DEUP1: variants seen among roughly 807,000 people sequenced by gnomAD.
DEUP1 encodes deuterosome assembly protein 1.
DEUP1 carries 82 observed loss-of-function variants against 87.4 expected under a neutral mutation model. The observed-to-expected ratio is 0.94, with a 90% CI of 0.78 to 1.13. DEUP1 has a LOEUF of 1.13. Among genes scored for constraint, DEUP1 ranks in the 50% most tolerant of loss-of-function variants. The probability of loss-of-function intolerance (pLI) is 0.00; values close to 1 mark genes in which losing one functional copy is unlikely to be tolerated. For missense variants in DEUP1, 663 were observed against 681.5 expected, an observed-to-expected ratio of 0.97 and a Z score of 0.30; for synonymous variants, 214 against 222.7, an observed-to-expected ratio of 0.96 and a Z score of 0.35.
At chr11:93,366,366 T>C (rs1334263808) in intron 5 of DEUP1, among the ~76,000 whole-genome samples, 1 of 152,192 alleles carries the variant, frequency 6.6e-6, no homozygotes, top group Non-Finnish European at 1.5e-5. Flanking sequence ...GAGGGCTTTT[T>C]AAAACATCTA....
intron 13 of DEUP1, among the ~76,000 whole-genome samples, chr11:93,417,144 A>G (rs1185305690): frequency 1.4e-5 from 2 of 141,642 alleles, no homozygotes; most frequent in South Asian, 2.5e-4. Flanking sequence ...CTCTCTCACC[A>G]CTCCTATTCA....
At chr11:93,343,716 C>T (rs1394026538) in intron 2 of DEUP1, among the ~76,000 whole-genome samples, 3 of 152,130 alleles carry the variant, frequency 2.0e-5, no homozygotes, top group South Asian at 2.1e-4. Context: ...TTGTATGAGC[C>T]TATAATTCTG....
At position 93,386,211 on chromosome 11, in the gene DEUP1, C is replaced by G. The variant is rs552768794; in HGVS notation, c.935+668C>G. Among the ~76,000 whole-genome samples the G allele has an allele frequency of 1.1e-3, 163 of 152,158 alleles. 1 individual carries two copies. Among genetic ancestry groups the G allele is most frequent in the African/African-American group, 3.7e-3 (153 of 41,538 alleles). On this transcript the variant is annotated intron_variant, in intron 8 of 13. Coordinates refer to ENST00000298050, the MANE Select transcript of DEUP1 (RefSeq NM_181645.4). Reference sequence around the variant, plus strand: ...TACATATTGTATTTATTTTGGCCACCAAACTCGCCATCTTGTCTGTTCCAT... The same window carrying G: ...TACATATTGTATTTATTTTGGCCACGAAACTCGCCATCTTGTCTGTTCCAT...
At position 93,386,193 on chromosome 11, in the gene DEUP1, T is replaced by G. The variant is rs1456159996; in HGVS notation, c.935+650T>G. 3.3e-5 allele frequency among the ~76,000 whole-genome samples: 5 copies of G among 152,360 alleles called. No homozygotes were observed. In the East Asian group the frequency reaches 9.6e-4, roughly 29 times the overall value. ...TGTCAACATTTTCACTTGTACATAT[T>G]GTATTTATTTTGGCCACCAAACTCG... On this transcript the variant is annotated intron_variant, in intron 8 of 13. Coordinates refer to ENST00000298050, the MANE Select transcript of DEUP1 (RefSeq NM_181645.4).
At chr11:93,370,016 C>A in intron 5 of DEUP1, 57 bp from the exon 6 acceptor site, 1 of 813,168 alleles carries the variant, frequency 1.2e-6, no homozygotes, top group Non-Finnish European at 2.0e-6. Flanking sequence ...GCCTTATTTG[C>A]TGTACTTTAA....
At chr11:93,332,336 C>CA in intron 2 of DEUP1, 48 bp downstream of exon 2, 1 of 1,481,054 alleles carries the variant, frequency 6.8e-7, no homozygotes, top group Non-Finnish European at 9.3e-7. Flanking sequence ...TTAACTGTGC[C>CA]AAAAACTTCC....
intron 12 of DEUP1, among the ~76,000 whole-genome samples, chr11:93,413,998 C>G (rs1040735280): frequency 2.0e-5 from 3 of 152,114 alleles, no homozygotes; most frequent in African/African-American, 4.8e-5. Flanking sequence ...CTAATCTTTA[C>G]TAAACATTTA....
intron 11 of DEUP1, 107 bp from the exon 12 acceptor site, chr11:93,408,124 T>G: frequency 1.3e-6 from 1 of 760,056 alleles, no homozygotes; most frequent in Non-Finnish European, 2.0e-6. Context: ...GCCACATCAC[T>G]TGGCTCAAAT....
chr11:93,372,546 A>G (rs1945793158), intron 7 of DEUP1, among the ~76,000 whole-genome samples: 1 of 152,152 alleles, frequency 6.6e-6, no homozygotes, highest in South Asian at 2.1e-4. Flanking sequence ...GGGATTATAT[A>G]GGGAGTTAGT....
rs547992320 is a variant in DEUP1, at chr11:93,387,758, T to C, written c.936-1262T>C. Among the ~76,000 whole-genome samples the C allele has an allele frequency of 3.9e-5, 6 of 152,158 alleles. No individual in the cohort carries two copies. The South Asian group carries it at 1.2e-3, about 32-fold the overall frequency. ...TTCACTCATTTCAAATTATAGGAAA[T>C]AATGAAAACTTAAGACTGATCCTGA... On this transcript the variant is annotated intron_variant, in intron 8 of 13. Transcript: ENST00000298050.
At chr11:93,403,811 T>C (rs945473299) in intron 11 of DEUP1, among the ~76,000 whole-genome samples, 1 of 151,826 alleles carries the variant, frequency 6.6e-6, no homozygotes, top group East Asian at 1.9e-4. Context: ...TAGGAAAAAA[T>C]CCATAATTAG....
intron 2 of DEUP1, among the ~76,000 whole-genome samples, chr11:93,333,459 G>A (rs1483057433): frequency 6.6e-6 from 1 of 152,162 alleles, no homozygotes; most frequent in Non-Finnish European, 1.5e-5. Context: ...TTTCTTTTAG[G>A]AGTATAACAT....
chr11:93,386,767 C>T (rs1185549167), intron 8 of DEUP1, among the ~76,000 whole-genome samples: 1 of 152,186 alleles, frequency 6.6e-6, no homozygotes, highest in Non-Finnish European at 1.5e-5. Flanking sequence ...TCACTGATTA[C>T]TAATCAATCT....
intron 7 of DEUP1, among the ~76,000 whole-genome samples, chr11:93,376,012 C>T (rs1946021125): frequency 6.6e-6 from 1 of 152,130 alleles, no homozygotes; most frequent in Admixed American, 6.6e-5. Flanking sequence ...TGCAGTGGTG[C>T]AGTTTCGGCT....
At chr11:93,394,406 C>T (rs1480380647) in intron 9 of DEUP1, 53 bp from the exon 10 acceptor site, 1 of 1,358,104 alleles carries the variant, frequency 7.4e-7, no homozygotes, top group African/African-American at 1.5e-5. Context: ...AAATTTTAAG[C>T]TACTCTATAA....
chr11:93,383,691 T>A (rs973826507), intron 7 of DEUP1: 2 of 578,418 alleles, frequency 3.5e-6, no homozygotes, highest in African/African-American at 3.8e-5. Context: ...AGTATATCTA[T>A]ATATTAAGAA....
At position 93,411,601 on chromosome 11, in the gene DEUP1, G is replaced by A. The variant is rs189133737; in HGVS notation, c.1523+3174G>A. On this transcript the variant is annotated intron_variant, in intron 12 of 13. Coordinates refer to ENST00000298050, the MANE Select transcript of DEUP1 (RefSeq NM_181645.4). ...TGAGTGAGAGGTGATTGAATTTGGTGTGGATGTTTTAAATATTGTTTTTAA... is the reference window on the plus strand; with the variant it reads ...TGAGTGAGAGGTGATTGAATTTGGTATGGATGTTTTAAATATTGTTTTTAA... 4.3e-3 allele frequency among the ~76,000 whole-genome samples: 656 copies of A among 152,286 alleles called. 5 individuals are homozygous for A. The highest frequency in any genetic ancestry group is 0.015 in the African/African-American group (614 of 41,562).
At chr11:93,331,189 T>C (rs1038137418) in intron 1 of DEUP1, among the ~76,000 whole-genome samples, 1 of 150,964 alleles carries the variant, frequency 6.6e-6, no homozygotes, top group Non-Finnish European at 1.5e-5. Flanking sequence ...GGGTCTCTCT[T>C]AAAACTCTTC....
At chr11:93,400,668 T>C (rs1947087743) in intron 11 of DEUP1, among the ~76,000 whole-genome samples, 1 of 152,170 alleles carries the variant, frequency 6.6e-6, no homozygotes. Flanking sequence ...ATTTTAGGAA[T>C]TTTGATATAC....
Sources: allele counts gnomAD v4.1 joint callset (sites outside exome capture counted in the v4.1 genomes callset), GRCh38; gene constraint gnomAD v4.1.1; transcripts MANE v1.5; gene names NCBI Gene and HGNC (gene_info 2026-07-23, HGNC 2026-07-21).